The following WNT5B variants were observed in gnomAD, a reference collection of about 807,000 sequenced individuals.
WNT5B encodes the protein protein Wnt-5b.
WNT5B carries 18 observed loss-of-function variants against 36.5 expected under a neutral mutation model. That is an observed-to-expected ratio of 0.49 (90% CI 0.34 to 0.73). The LOEUF (loss-of-function observed/expected upper bound fraction) is 0.73, where lower values mean the gene tolerates loss of function less well. WNT5B is among the 30% of genes least tolerant of loss of function. WNT5B has a pLI of 0.01. For synonymous variants in WNT5B, 213 were observed against 212.3 expected, an observed-to-expected ratio of 1.00 and a Z score of -0.03; for missense variants, 424 against 508.4, an observed-to-expected ratio of 0.83 and a Z score of 1.60.
intron 1 of WNT5B, among the ~76,000 whole-genome samples, chr12:1,623,184 G>GTTTTTTTTTTTTTTTTTT (rs1555156800): frequency 1.9e-5 from 1 of 53,492 alleles, no homozygotes; most frequent in African/African-American, 7.4e-5. Flanking sequence ...AGGGTTTTTT[G>GTTTTTTTTTTTTTTTTTT]TTGTTTTTTT....
intron 1 of WNT5B, among the ~76,000 whole-genome samples, chr12:1,622,643 C>G (rs769925410): frequency 6.6e-6 from 1 of 152,202 alleles, no homozygotes; most frequent in Non-Finnish European, 1.5e-5. Flanking sequence ...CTTCCTCTTT[C>G]CCTGAGAGCC....
At chr12:1,617,644 G>GAAAAA (rs1409494246) in intron 1 of WNT5B, among the ~76,000 whole-genome samples, 1 of 151,832 alleles carries the variant, frequency 6.6e-6, no homozygotes, top group Non-Finnish European at 1.5e-5. Context: ...AAAAAGAAAA[G>GAAAAA]AAAAAGAAAA....
rs2094552867 is a variant in WNT5B at position 1,632,577 on chromosome 12, TTGAA to T, written c.81-73_81-70del. 2 of 1,510,976 alleles carry T rather than the reference TTGAA, an allele frequency of 1.3e-6. No individual in the cohort carries two copies. Among genetic ancestry groups the T allele is most frequent in the Non-Finnish European group, 1.8e-6 (2 of 1,124,516 alleles). The allele number at this position is 1,510,976 out of a possible 1,614,324, so 93.6% of individuals were successfully genotyped here. On this transcript the variant is annotated intron_variant, in intron 2 of 4. Coordinates refer to ENST00000397196, the MANE Select transcript of WNT5B (RefSeq NM_032642.3). This position sits in a 1 kb window ranked among gnomAD's most constrained non-coding sequence, Gnocchi z 5.8. ...CACAGGGACGCATTCAATAAATGTGTTGAATGAATGACTTAATGCTGCACACAGG... is the reference window on the plus strand; with the variant it reads ...CACAGGGACGCATTCAATAAATGTGTTGAATGACTTAATGCTGCACACAGG...
upstream of WNT5B, among the ~76,000 whole-genome samples, chr12:1,626,289 G>A (rs529152371): frequency 6.6e-6 from 1 of 150,792 alleles, no homozygotes; most frequent in South Asian, 2.1e-4. Flanking sequence ...TTGAGACAGA[G>A]TTTCACTCTT....
intron 1 of WNT5B, chr12:1,629,841 A>T (rs1230831851): frequency 8.9e-5 from 3 of 33,656 alleles, no homozygotes; most frequent in Non-Finnish European, 1.3e-4. Flanking sequence ...CCTCCAGAGG[A>T]GGGGGGGTCT....
At position 1,643,055 on chromosome 12, in the gene WNT5B, T is replaced by G. The variant is rs75872260; in HGVS notation, c.622-2739T>G. ...TGGGATGGAAAATAGACAAGTATTT[T>G]AGAACCATATTAAAAAGAAAAAAAG... On this transcript the variant is annotated intron_variant, in intron 4 of 4. Coordinates refer to ENST00000397196, the MANE Select transcript of WNT5B (RefSeq NM_032642.3). 3.5e-3 allele frequency among the ~76,000 whole-genome samples: 529 copies of G among 152,258 alleles called. 4 individuals carry two copies. Among genetic ancestry groups the G allele is most frequent in the African/African-American group, 0.012 (489 of 41,554 alleles).
intron 3 of WNT5B, among the ~76,000 whole-genome samples, chr12:1,636,296 G>A (rs990139628): frequency 1.3e-5 from 2 of 151,146 alleles, no homozygotes; most frequent in Admixed American, 1.3e-4. Context: ...CATTTTCACC[G>A]CTCCACAGAG....
intron 1 of WNT5B, among the ~76,000 whole-genome samples, chr12:1,622,240 C>A (rs12297491): frequency 0.16 from 23,515 of 151,132 alleles, 1,965 homozygotes; most frequent in Middle Eastern, 0.26. Context: ...CCTCCTGAGT[C>A]GCTGGGACTA....
At position 1,632,621 on chromosome 12, in the gene WNT5B, T is replaced by C. The variant is rs2094552966; in HGVS notation, c.81-37T>C. On this transcript the variant is annotated intron_variant, in intron 2 of 4. Coordinates refer to ENST00000397196, the MANE Select transcript of WNT5B (RefSeq NM_032642.3). The surrounding 1 kb of genome is among the most constrained non-coding windows in gnomAD (Gnocchi z 5.8). ...CTGCACACAGGCGTATGCTCACTCC[T>C]GGGCCTTTTTTTCCCCTTTCTGGAT... 4 of 1,577,498 alleles carry C rather than the reference T, an allele frequency of 2.5e-6. No individual in the cohort carries two copies. The highest frequency in any genetic ancestry group is 2.6e-6 in the Non-Finnish European group (3 of 1,155,162).
In WNT5B at chr12:1,632,597, T is replaced by G. The variant is rs747615401; in HGVS notation, c.81-61T>G. 4.6e-6 allele frequency: 7 copies of G among 1,535,018 alleles called. No homozygotes were observed. Among genetic ancestry groups the G allele is most frequent in the Non-Finnish European group, 6.2e-6 (7 of 1,136,312 alleles). On this transcript the variant is annotated intron_variant, in intron 2 of 4. Coordinates refer to ENST00000397196, the MANE Select transcript of WNT5B (RefSeq NM_032642.3). The surrounding 1 kb of genome is among the most constrained non-coding windows in gnomAD (Gnocchi z 5.8). ...ATGTGTTGAATGAATGACTTAATGCTGCACACAGGCGTATGCTCACTCCTG... is the reference window on the plus strand; with the variant it reads ...ATGTGTTGAATGAATGACTTAATGCGGCACACAGGCGTATGCTCACTCCTG...
chr12:1,643,181 G>A (rs2094578587), intron 4 of WNT5B, among the ~76,000 whole-genome samples: 2 of 152,118 alleles, frequency 1.3e-5, no homozygotes, highest in South Asian at 2.1e-4. Flanking sequence ...CTTCTTAGAC[G>A]GTGGCGGCAA....
chr12:1,640,928 G>A (rs1277959988), intron 4 of WNT5B, among the ~76,000 whole-genome samples: 3 of 152,212 alleles, frequency 2.0e-5, no homozygotes, highest in African/African-American at 7.2e-5. Context: ...AAAGGTCTGC[G>A]GTCTGAGCAC....
chr12:1,623,187 G>GTTGTTTTTTTTTTTTTTTTTTTTT (rs1555156806), intron 1 of WNT5B, among the ~76,000 whole-genome samples: 4 of 58,366 alleles, frequency 6.9e-5, no homozygotes, highest in African/African-American at 2.9e-4. Flanking sequence ...GTTTTTTGTT[G>GTTGTTTTTTTTTTTTTTTTTTTTT]TTTTTTTTTT....
At chr12:1,634,613 C>A (rs547738759) in intron 3 of WNT5B, among the ~76,000 whole-genome samples, 1 of 152,292 alleles carries the variant, frequency 6.6e-6, no homozygotes, top group East Asian at 1.9e-4. Context: ...GCCTAATTTT[C>A]CCCCTTCCTT....
At chr12:1,624,899 C>T (rs908849288), upstream of WNT5B, among the ~76,000 whole-genome samples, 12 of 151,878 alleles carry the variant, frequency 7.9e-5, no homozygotes, top group Non-Finnish European at 1.8e-4. Context: ...AGGTTGAGAC[C>T]TCTTCGGTCT....
chr12:1,641,086 T>G (rs192312772), intron 4 of WNT5B, among the ~76,000 whole-genome samples: 1 of 152,102 alleles, frequency 6.6e-6, no homozygotes, highest in African/African-American at 2.4e-5. Flanking sequence ...ATGAACTCAC[T>G]CAAAAATGAG....
intron 3 of WNT5B, among the ~76,000 whole-genome samples, chr12:1,635,164 G>A (rs1388390652): frequency 6.6e-6 from 1 of 152,168 alleles, no homozygotes; most frequent in African/African-American, 2.4e-5. Context: ...ATGAAGACCC[G>A]ACTGAAAGAG....
At chr12:1,628,414 C>T (rs10848538), upstream of WNT5B, among the ~76,000 whole-genome samples, 22,209 of 152,052 alleles carry the variant, frequency 0.15, 1,854 homozygotes, top group East Asian at 0.4. Context: ...CACCTTGGCC[C>T]CCCGAAGAGC....
intron 3 of WNT5B, among the ~76,000 whole-genome samples, chr12:1,637,581 CAAAAA>C (rs61542245): frequency 1.8e-5 from 2 of 110,400 alleles, no homozygotes; most frequent in Non-Finnish European, 3.7e-5. Flanking sequence ...ACTAAACATA[CAAAAA>C]AAAAAAAAAA....
Sources: allele counts gnomAD v4.1 joint callset (sites outside exome capture counted in the v4.1 genomes callset), GRCh38; gene constraint gnomAD v4.1.1; non-coding constraint Gnocchi (gnomAD v3.1); transcripts MANE v1.5; gene names NCBI Gene and HGNC (gene_info 2026-07-23, HGNC 2026-07-21).